CAST: variants seen among roughly 807,000 people sequenced by gnomAD.
CAST encodes the protein MIR583 host.
In CAST, 76 loss-of-function variants were observed where a neutral mutation model predicts 119.6. The ratio of observed to expected loss-of-function variants is 0.64; its 90% confidence interval spans 0.53 to 0.77. CAST has a LOEUF of 0.77. Among genes scored for constraint, CAST ranks in the 30% least tolerant of loss-of-function variants. CAST has a pLI of 0.00. For missense variants in CAST, 953 were observed against 946.5 expected, an observed-to-expected ratio of 1.01 and a Z score of -0.09; for synonymous variants, 319 against 331.6, an observed-to-expected ratio of 0.96 and a Z score of 0.41.
chr5:96,230,955 C>T, the CAST span, among the ~76,000 whole-genome samples: 7 of 151,944 alleles, frequency 4.6e-5, no homozygotes, highest in Non-Finnish European at 5.9e-5. Context: ...ACTTCACATT[C>T]GCTAGAATAG....
chr5:96,498,244 A>G, the CAST span, among the ~76,000 whole-genome samples: 1 of 152,348 alleles, frequency 6.6e-6, no homozygotes, highest in African/African-American at 2.4e-5. Context: ...TACCAGTACC[A>G]TGCTGTTTTG....
At chr5:96,047,388 T>C in the CAST span, among the ~76,000 whole-genome samples, 260 of 152,278 alleles carry the variant, frequency 1.7e-3, 1 homozygote, top group African/African-American at 6.1e-3. Context: ...ATTTTTGAAG[T>C]GTTTGTTTTT....
the CAST span, among the ~76,000 whole-genome samples, chr5:95,977,683 G>A: frequency 6.6e-6 from 1 of 151,882 alleles, no homozygotes; most frequent in Non-Finnish European, 1.5e-5. Context: ...AGGGGTACAT[G>A]TGCAGGTTTG....
the CAST span, among the ~76,000 whole-genome samples, chr5:96,231,196 A>G: frequency 6.6e-6 from 1 of 152,190 alleles, no homozygotes; most frequent in Non-Finnish European, 1.5e-5. Context: ...TCATAGAAAT[A>G]TAATTCATGA....
At chr5:96,219,435 A>G in the CAST span, among the ~76,000 whole-genome samples, 2 of 152,228 alleles carry the variant, frequency 1.3e-5, no homozygotes, top group South Asian at 2.1e-4. Context: ...AGATAAAGGA[A>G]GTGAGCCTCA....
the CAST span, among the ~76,000 whole-genome samples, chr5:96,010,235 C>T: frequency 1.3e-5 from 2 of 152,112 alleles, no homozygotes; most frequent in African/African-American, 4.8e-5. Context: ...TGTGATCTCT[C>T]TGGCTTTGTT....
chr5:96,389,801 G>A, the CAST span, among the ~76,000 whole-genome samples: 5 of 152,216 alleles, frequency 3.3e-5, no homozygotes, highest in East Asian at 3.9e-4. Context: ...TGGGTGTGGC[G>A]GTGCACACCT....
the CAST span, among the ~76,000 whole-genome samples, chr5:96,210,982 T>C: frequency 6.6e-6 from 1 of 152,154 alleles, no homozygotes; most frequent in Non-Finnish European, 1.5e-5. Flanking sequence ...ATTGCTAGTA[T>C]AATGAAATAG....
chr5:96,766,374 T>G (rs1027893281), intron 27 of CAST, among the ~76,000 whole-genome samples: 5 of 152,174 alleles, frequency 3.3e-5, no homozygotes, highest in Admixed American at 6.5e-5. Context: ...TTGAATACTG[T>G]TCAGTCACTC....
the CAST span, among the ~76,000 whole-genome samples, chr5:96,202,503 T>C: frequency 2.0e-5 from 3 of 152,084 alleles, no homozygotes; most frequent in African/African-American, 7.2e-5. Context: ...TTTAATAGGA[T>C]GACTTGTATG....
At chr5:96,234,768 T>C in the CAST span, among the ~76,000 whole-genome samples, 1 of 152,184 alleles carries the variant, frequency 6.6e-6, no homozygotes, top group African/African-American at 2.4e-5. Context: ...TTATATCTCA[T>C]TGGCCAGAAA....
At chr5:96,086,872 TTAAAA>T in the CAST span, among the ~76,000 whole-genome samples, 1 of 152,246 alleles carries the variant, frequency 6.6e-6, no homozygotes. Flanking sequence ...TTACTACTAC[TTAAAA>T]TAAATTAATG....
Position 96,737,833 on chromosome 5 carries a change from G to C in CAST, c.700-16G>C. ...TATAACAAATAACATTTAAATATCT[G>C]TTCTTTCTTTTCCAGTCAGGCATGG... On this transcript the variant is annotated splice_polypyrimidine_tract_variant and intron_variant, in intron 10 of 31. Coordinates refer to ENST00000675179, the MANE Select transcript of CAST (RefSeq NM_001750.7). 1 of 1,390,544 alleles carries C rather than the reference G, an allele frequency of 7.2e-7. No individual in the cohort carries two copies. The highest frequency in any genetic ancestry group is 1.2e-5 in the South Asian group (1 of 83,412). 86.1% of individuals were successfully genotyped at this position (1,390,544 alleles called of 1,614,324 possible).
At chr5:95,993,362 A>C in the CAST span, among the ~76,000 whole-genome samples, 7 of 152,370 alleles carry the variant, frequency 4.6e-5, no homozygotes, top group African/African-American at 1.7e-4. Context: ...AAATATTTGT[A>C]GTGTTGGGTT....
chr5:96,266,957 A>G, the CAST span, among the ~76,000 whole-genome samples: 1,077 of 152,314 alleles, frequency 7.1e-3, 11 homozygotes, highest in African/African-American at 0.025. Context: ...TTTCTGAGAA[A>G]TTTAACAGAG....
the CAST span, among the ~76,000 whole-genome samples, chr5:96,272,591 G>T: frequency 6.6e-6 from 1 of 152,184 alleles, no homozygotes; most frequent in East Asian, 1.9e-4. Context: ...GTTATGAGAG[G>T]CCAAAAATGG....
At chr5:96,045,970 C>A in the CAST span, among the ~76,000 whole-genome samples, 2 of 152,180 alleles carry the variant, frequency 1.3e-5, no homozygotes, top group East Asian at 3.9e-4. Context: ...GTTTCCTCCC[C>A]GATTTTTAAC....
Position 96,534,755 on chromosome 5 carries a change from A to AAGAGAAAG in CAST, c.60+4878_60+4879insGAAAGAGA, listed in dbSNP as rs775627348. 4.6e-4 allele frequency among the ~76,000 whole-genome samples: 18 copies of AAGAGAAAG among 39,254 alleles called. No individual in the cohort carries two copies. The South Asian group carries it at 6.0e-3, about 13-fold the overall frequency. The allele number at this position is 39,254 out of a possible 152,430, so 25.8% of individuals were successfully genotyped here. A position where few individuals can be genotyped will look rare whatever the true frequency, so the allele number is the denominator to read the frequency against. ...AGAGAGAGAGAGAAAGAAAGAAAGA[A>AAGAGAAAG]AGAAAGAAAGAAAGAAAGAAAGAAA... On this transcript the variant is annotated intron_variant, in intron 1 of 11. Coordinates refer to the CAST transcript ENST00000505143.
At chr5:96,731,642 T>G in intron 9 of CAST, among the ~76,000 whole-genome samples, 1 of 150,938 alleles carries the variant, frequency 6.6e-6, no homozygotes, top group South Asian at 2.1e-4. Flanking sequence ...CCCAATGCTA[T>G]CCCTCCCCCC....
Sources: gnomAD v4.1 joint callset for allele counts (sites outside exome capture counted in the v4.1 genomes callset) on GRCh38, gnomAD v4.1.1 for gene constraint, MANE v1.5 for transcripts, NCBI Gene and HGNC (gene_info 2026-07-23, HGNC 2026-07-21) for gene names.